FAM219A: variants seen among roughly 807,000 people sequenced by gnomAD.
FAM219A encodes family with sequence similarity 219 member A.
FAM219A carries 7 observed loss-of-function variants against 23.4 expected under a neutral mutation model. The ratio of observed to expected loss-of-function variants is 0.30; its 90% confidence interval spans 0.17 to 0.56. FAM219A has a LOEUF of 0.56. Ranked by LOEUF, FAM219A falls within the 20% of genes least tolerant of loss-of-function variation. FAM219A has a pLI of 0.92. For missense variants in FAM219A, 166 were observed against 246.9 expected (o/e 0.67, Z 2.20); for synonymous variants, 93 against 99.0 (o/e 0.94, Z 0.36).
intron 1 of FAM219A, among the ~76,000 whole-genome samples, chr9:34,447,426 T>C (rs1823411701): frequency 6.6e-6 from 1 of 152,214 alleles, no homozygotes; most frequent in Admixed American, 6.5e-5. Context: ...TACAGCTCTG[T>C]GTTCAGTTTC....
chr9:34,418,832 G>A (rs1279672910), intron 1 of FAM219A, among the ~76,000 whole-genome samples: 1 of 152,178 alleles, frequency 6.6e-6, no homozygotes, highest in Non-Finnish European at 1.5e-5. Context: ...CACTTTGGGA[G>A]GCCGAGGTGG....
intron 1 of FAM219A, among the ~76,000 whole-genome samples, chr9:34,448,034 G>A (rs1297228055): frequency 1.3e-5 from 2 of 151,958 alleles, no homozygotes; most frequent in African/African-American, 2.4e-5. Flanking sequence ...ATCATGCCTG[G>A]CTACTTTTTA....
rs1441419850 is a variant in FAM219A at position 34,398,254 on chromosome 9, T to G, written c.*2710A>C. ...CACAACCAAGGATGATGGTCAATACTGCAATGAAAATGTTAAAAAAAATAT... is the reference window on the plus strand; with the variant it reads ...CACAACCAAGGATGATGGTCAATACGGCAATGAAAATGTTAAAAAAAATAT... On this transcript the variant is annotated 3_prime_UTR_variant, in exon 6 of 6. Transcript: ENST00000651358. The G allele has an allele frequency of 1.3e-6, 2 of 1,548,566 alleles. No individual in the cohort carries two copies. Among genetic ancestry groups the G allele is most frequent in the South Asian group, 2.4e-5 (2 of 83,984 alleles).
chr9:34,442,502 T>A (rs1025174749), intron 1 of FAM219A, among the ~76,000 whole-genome samples: 2 of 152,010 alleles, frequency 1.3e-5, no homozygotes, highest in Non-Finnish European at 1.5e-5. Flanking sequence ...CTGGAAAACA[T>A]GGCAAAACTC....
At chr9:34,436,438 G>A (rs968911297) in intron 1 of FAM219A, among the ~76,000 whole-genome samples, 2 of 151,682 alleles carry the variant, frequency 1.3e-5, no homozygotes, top group Non-Finnish European at 2.9e-5. Flanking sequence ...TAGAGATGGG[G>A]TCTTGCTTTG....
At chr9:34,437,287 A>G (rs1822957580) in intron 1 of FAM219A, among the ~76,000 whole-genome samples, 1 of 152,200 alleles carries the variant, frequency 6.6e-6, no homozygotes, top group Non-Finnish European at 1.5e-5. Flanking sequence ...TCTTTAAAAC[A>G]GGACACTACG....
intron 1 of FAM219A, among the ~76,000 whole-genome samples, chr9:34,410,469 G>A (rs749503203): frequency 2.0e-5 from 3 of 152,158 alleles, no homozygotes; most frequent in South Asian, 2.1e-4. Flanking sequence ...TGAATGACCC[G>A]CAGACTTTTA....
intron 1 of FAM219A, among the ~76,000 whole-genome samples, chr9:34,456,503 C>T (rs1286644733): frequency 6.6e-6 from 1 of 152,224 alleles, no homozygotes; most frequent in East Asian, 1.9e-4. Flanking sequence ...CTCATTGCTT[C>T]CTTTTCCTGA....
chr9:34,447,902 T>C (rs1823428660), intron 1 of FAM219A, among the ~76,000 whole-genome samples: 1 of 151,988 alleles, frequency 6.6e-6, no homozygotes, highest in African/African-American at 2.4e-5. Context: ...GACAGGGTCT[T>C]GCTTTGTTGC....
rs766380093 is a variant in FAM219A at position 34,405,922 on chromosome 9, G to C, written c.103C>G (p.Arg35Gly). 6.2e-7 allele frequency: 1 copy of C among 1,613,518 alleles called. No homozygotes were observed. ...ASISDGDCDA[R>G]EGESVAMNYK... ...TTCATGGCTACTGACTCACCCTCCC[G>C]GGCGTCACAGTCTCCGTCAGAGATG... is the stretch of plus-strand genomic sequence containing the variant. The change falls in exon 2 of 6, where the codon CGG (arginine) becomes GGG (glycine). Residue 35 changes from arginine to glycine, a missense_variant. Transcript: ENST00000651358.
chr9:34,430,103 T>G (rs1287575275), intron 1 of FAM219A, among the ~76,000 whole-genome samples: 1 of 151,964 alleles, frequency 6.6e-6, no homozygotes, highest in African/African-American at 2.4e-5. Flanking sequence ...GAGCTAGACA[T>G]GTGTGGGGGG....
rs1029696134 is a variant in FAM219A at position 34,417,544 on chromosome 9, T to C, written c.61-11580A>G. 6.6e-6 allele frequency among the ~76,000 whole-genome samples: 1 copy of C among 152,226 alleles called. No homozygotes were observed. The highest frequency in any genetic ancestry group is 1.5e-5 in the Non-Finnish European group (1 of 68,032). On this transcript the variant is annotated intron_variant, in intron 1 of 5. Coordinates refer to ENST00000651358, the MANE Select transcript of FAM219A (RefSeq NM_001184940.2). This position sits in a 1 kb window ranked among gnomAD's most constrained non-coding sequence, Gnocchi z 4.1. ...ATTTAGGATCATTTCCTAAATAAAGTAGATTACTCAGTAAAAAACATGAGT... is the reference window on the plus strand; with the variant it reads ...ATTTAGGATCATTTCCTAAATAAAGCAGATTACTCAGTAAAAAACATGAGT...
intron 1 of FAM219A, among the ~76,000 whole-genome samples, chr9:34,443,131 G>T (rs886731041): frequency 2.6e-5 from 4 of 152,108 alleles, no homozygotes; most frequent in Admixed American, 6.5e-5. Context: ...AAATGTGAAG[G>T]AAGTGAGCAA....
chr9:34,456,127 A>G (rs1213017206), intron 1 of FAM219A, among the ~76,000 whole-genome samples: 2 of 152,128 alleles, frequency 1.3e-5, no homozygotes, highest in Admixed American at 1.3e-4. Flanking sequence ...CAGGAGGTGG[A>G]GGTTGCATTG....
intron 1 of FAM219A, among the ~76,000 whole-genome samples, chr9:34,420,417 G>A (rs1334423781): frequency 6.6e-6 from 1 of 152,206 alleles, no homozygotes; most frequent in African/African-American, 2.4e-5. Flanking sequence ...TTGGCAGAGG[G>A]TTTAAAGCAA....
intron 1 of FAM219A, among the ~76,000 whole-genome samples, chr9:34,413,952 A>C (rs746476633): frequency 6.6e-5 from 10 of 152,246 alleles, no homozygotes. Flanking sequence ...GTCAGCTGAG[A>C]AACTTGGGGC....
intron 2 of FAM219A, among the ~76,000 whole-genome samples, chr9:34,403,026 CCT>C (rs960955159): frequency 5.3e-5 from 8 of 152,270 alleles, no homozygotes; most frequent in African/African-American, 1.2e-4. Context: ...GAGGCTGCCC[CCT>C]GTTTTTCAGG....
At chr9:34,443,086 T>C (rs989279539) in intron 1 of FAM219A, among the ~76,000 whole-genome samples, 7 of 152,026 alleles carry the variant, frequency 4.6e-5, no homozygotes, top group African/African-American at 1.7e-4. Flanking sequence ...TACTAGGGGG[T>C]ATGTGTTTGA....
In FAM219A at chr9:34,400,764, C is replaced by G; in HGVS notation, c.*200G>C. On this transcript the variant is annotated 3_prime_UTR_variant, in exon 6 of 6. Transcript: ENST00000651358. ...CCTCAGCTCCCGGGTGGAGAGAGAC[C>G]CAGTTTTGGTTTCTCCAGCTCCATG... 2.0e-6 allele frequency: 1 copy of G among 497,642 alleles called. No individual in the cohort carries two copies. The highest frequency in any genetic ancestry group is 3.6e-5 in the East Asian group (1 of 27,730). The allele number at this position is 497,642 out of a possible 1,614,324, so 30.8% of individuals were successfully genotyped here. A position where few individuals can be genotyped will look rare whatever the true frequency, so the allele number is the denominator to read the frequency against.
Sources: allele counts gnomAD v4.1 joint callset (sites outside exome capture counted in the v4.1 genomes callset), GRCh38; gene constraint gnomAD v4.1.1; non-coding constraint Gnocchi (gnomAD v3.1); transcripts MANE v1.5; gene names NCBI Gene and HGNC (gene_info 2026-07-23, HGNC 2026-07-21).